The following PRKN variants were observed in gnomAD, a reference collection of about 807,000 sequenced individuals.
The protein encoded by PRKN is parkin RBR E3 ubiquitin protein ligase.
In PRKN, 56 loss-of-function variants were observed where a neutral mutation model predicts 59.5. That is an observed-to-expected ratio of 0.94 (90% CI 0.76 to 1.18). The LOEUF is 1.18. Among genes scored for constraint, PRKN ranks in the 50% most tolerant of loss-of-function variants. The pLI, the probability that PRKN is intolerant of heterozygous loss-of-function variation, is 0.00. For synonymous variants in PRKN, 250 were observed against 222.1 expected (o/e 1.13, Z -1.12); for missense variants, 657 against 596.4 (o/e 1.10, Z -1.06).
At chr6:162,472,256 C>A (rs954898602) in intron 1 of PRKN, among the ~76,000 whole-genome samples, 3 of 151,574 alleles carry the variant, frequency 2.0e-5, no homozygotes, top group South Asian at 2.1e-4. Flanking sequence ...GCACAACATG[C>A]AGGTTTGTTA....
chr6:162,077,407 T>C (rs904279832), intron 4 of PRKN, among the ~76,000 whole-genome samples: 7 of 152,122 alleles, frequency 4.6e-5, no homozygotes, highest in African/African-American at 1.5e-4. Context: ...TGTTAGAACC[T>C]ATCCCACCAC....
chr6:162,501,409 G>A (rs1793364299), intron 1 of PRKN, among the ~76,000 whole-genome samples: 1 of 150,072 alleles, frequency 6.7e-6, no homozygotes, highest in Non-Finnish European at 1.5e-5. Flanking sequence ...GTGCTGTGGT[G>A]TAATCTCGGC....
chr6:162,470,081 A>C (rs1239757998), intron 1 of PRKN, among the ~76,000 whole-genome samples: 1 of 152,124 alleles, frequency 6.6e-6, no homozygotes, highest in African/African-American at 2.4e-5. Flanking sequence ...GTCCTGCGAA[A>C]GTGAAGCATC....
intron 7 of PRKN, among the ~76,000 whole-genome samples, chr6:161,725,457 G>T (rs531796362): frequency 6.6e-6 from 1 of 152,302 alleles, no homozygotes; most frequent in Admixed American, 6.5e-5. Context: ...TTAGATTCCA[G>T]AAGGGTTCAT....
chr6:161,350,324 A>AG (rs1291662213), intron 11 of PRKN, 113 bp from the exon 12 acceptor site: 6 of 731,308 alleles, frequency 8.2e-6, no homozygotes, highest in Non-Finnish European at 1.5e-5. Context: ...AATAATCACA[A>AG]GCAATACAAG....
chr6:162,026,659 C>T (rs1345084854), intron 5 of PRKN, among the ~76,000 whole-genome samples: 1 of 152,068 alleles, frequency 6.6e-6, no homozygotes, highest in Non-Finnish European at 1.5e-5. Flanking sequence ...TACTTATCTG[C>T]TTTGCTTTTT....
intron 7 of PRKN, among the ~76,000 whole-genome samples, chr6:161,622,322 T>TC (rs985217544): frequency 6.6e-6 from 1 of 152,200 alleles, no homozygotes; most frequent in African/African-American, 2.4e-5. Context: ...GGCACGCAGG[T>TC]CTGCCCCGTA....
intron 1 of PRKN, among the ~76,000 whole-genome samples, chr6:162,522,850 CAACA>C (rs879556254): frequency 5.3e-5 from 8 of 151,402 alleles, no homozygotes; most frequent in Admixed American, 5.3e-4. Flanking sequence ...GACTAAACAA[CAACA>C]AAAAGAAGGC....
intron 6 of PRKN, among the ~76,000 whole-genome samples, chr6:161,925,552 T>C (rs536720442): frequency 1.6e-4 from 24 of 152,100 alleles, no homozygotes; most frequent in East Asian, 3.9e-4. Flanking sequence ...CGCTGGGCGA[T>C]AGAGTGAGAC....
At chr6:162,146,685 A>C (rs1350159895) in intron 4 of PRKN, among the ~76,000 whole-genome samples, 1 of 151,870 alleles carries the variant, frequency 6.6e-6, no homozygotes, top group African/African-American at 2.4e-5. Context: ...TTGTGTTTTT[A>C]GTAGATACGA....
intron 1 of PRKN, among the ~76,000 whole-genome samples, chr6:162,459,240 T>G (rs891626969): frequency 2.6e-5 from 4 of 152,138 alleles, no homozygotes; most frequent in Admixed American, 6.5e-5. Flanking sequence ...TGCAATCTGC[T>G]TGGAAGACTG....
In PRKN at chr6:161,585,578, T is replaced by C. The variant is rs532185399; in HGVS notation, c.872-16162A>G. 5.9e-5 allele frequency among the ~76,000 whole-genome samples: 9 copies of C among 152,328 alleles called. No homozygotes were observed. In the East Asian group the frequency reaches 1.7e-3, roughly 29 times the overall value. The stretch of plus-strand genomic sequence containing the variant: ...ATTAAGTTAAATAGTGATTGTCAAT[T>C]AAATAGCGTTCAAATTGTAGCTCAA... On this transcript the variant is annotated intron_variant, in intron 7 of 11. Coordinates refer to ENST00000366898, the MANE Select transcript of PRKN (RefSeq NM_004562.3).
chr6:162,545,607 A>C (rs747481461), intron 1 of PRKN, among the ~76,000 whole-genome samples: 3 of 152,226 alleles, frequency 2.0e-5, no homozygotes, highest in African/African-American at 2.4e-5. Flanking sequence ...AAACATTTCA[A>C]GTTATAATTA....
At chr6:161,727,252 C>A (rs899897520) in intron 7 of PRKN, among the ~76,000 whole-genome samples, 5 of 152,120 alleles carry the variant, frequency 3.3e-5, no homozygotes, top group Non-Finnish European at 5.9e-5. Context: ...CCAACCAACC[C>A]CTGCAGGGCA....
At chr6:161,384,701 C>T (rs1786150149) in intron 10 of PRKN, among the ~76,000 whole-genome samples, 1 of 152,194 alleles carries the variant, frequency 6.6e-6, no homozygotes, top group African/African-American at 2.4e-5. Context: ...GCAACTTTGC[C>T]CATGTGGCAC....
In PRKN at chr6:161,790,136, T is replaced by C. The variant is rs541829257; in HGVS notation, c.735-4228A>G. ...CCCGAAAGTTAGGAAAAGAGAATTA[T>C]TGAGTCAGGATGGATCCATTAGGGA... On this transcript the variant is annotated intron_variant, in intron 6 of 11. Transcript: ENST00000366898. Among the ~76,000 whole-genome samples the C allele has an allele frequency of 2.6e-5, 4 of 152,322 alleles. No individual in the cohort carries two copies. In the South Asian group the frequency reaches 6.2e-4, roughly 24 times the overall value.
intron 7 of PRKN, among the ~76,000 whole-genome samples, chr6:161,647,103 A>C (rs1417314452): frequency 6.6e-6 from 1 of 152,190 alleles, no homozygotes; most frequent in East Asian, 1.9e-4. Flanking sequence ...AAATTGTATT[A>C]ATAGTAACAG....
At chr6:161,583,794 ACAT>A (rs1231316449) in intron 7 of PRKN, among the ~76,000 whole-genome samples, 1 of 152,232 alleles carries the variant, frequency 6.6e-6, no homozygotes, top group Non-Finnish European at 1.5e-5. Context: ...ATACAGACAT[ACAT>A]CATCGTTTTT....
At chr6:162,085,320 C>A (rs1779208357) in intron 4 of PRKN, among the ~76,000 whole-genome samples, 1 of 151,730 alleles carries the variant, frequency 6.6e-6, no homozygotes, top group Non-Finnish European at 1.5e-5. Flanking sequence ...GATTGTCTAA[C>A]TTCACAAGTA....
Sources: gnomAD v4.1 joint callset for allele counts (sites outside exome capture counted in the v4.1 genomes callset) on GRCh38, gnomAD v4.1.1 for gene constraint, MANE v1.5 for transcripts, NCBI Gene and HGNC (gene_info 2026-07-23, HGNC 2026-07-21) for gene names.